Variants in HACD3 observed in about 807,000 individuals in gnomAD.
The protein encoded by HACD3 is very-long-chain (3R)-3-hydroxyacyl-CoA dehydratase 3.
HACD3 carries 30 observed loss-of-function variants against 55.2 expected under a neutral mutation model. That is an observed-to-expected ratio of 0.54 (90% CI 0.41 to 0.74). The LOEUF (loss-of-function observed/expected upper bound fraction) is 0.74, where lower values mean the gene tolerates loss of function less well. Ranked by LOEUF, HACD3 falls within the 30% of genes least tolerant of loss-of-function variation. The probability of loss-of-function intolerance (pLI) is 0.00; values close to 1 mark genes in which losing one functional copy is unlikely to be tolerated. For missense variants in HACD3, 363 were observed against 440.1 expected (o/e 0.82, Z 1.57); for synonymous variants, 141 against 151.7 (o/e 0.93, Z 0.52).
At chr15:65,543,418 G>C (rs1298350131) in intron 1 of HACD3, among the ~76,000 whole-genome samples, 2 of 151,186 alleles carry the variant, frequency 1.3e-5, no homozygotes, top group African/African-American at 2.4e-5. Flanking sequence ...GTTTATTGTT[G>C]GTAAAAAATA....
chr15:65,567,842 G>T (rs2072307348), intron 7 of HACD3, among the ~76,000 whole-genome samples: 1 of 151,926 alleles, frequency 6.6e-6, no homozygotes, highest in Non-Finnish European at 1.5e-5. Context: ...ACTTAAAATA[G>T]TCAAAACCAT....
chr15:65,530,552 T>C lies in HACD3; in HGVS notation c.-80T>C, dbSNP rs2071885476. The C allele has an allele frequency of 3.0e-6, 4 of 1,340,344 alleles. No homozygotes were observed. The Admixed American group carries it at 6.6e-5, about 22-fold the overall frequency. The allele number at this position is 1,340,344 out of a possible 1,614,324, so 83.0% of individuals were successfully genotyped here. A position where few individuals can be genotyped will look rare whatever the true frequency, so the allele number is the denominator to read the frequency against. On this transcript the variant is annotated 5_prime_UTR_variant, in exon 1 of 11. Coordinates refer to ENST00000261875, the MANE Select transcript of HACD3 (RefSeq NM_016395.4). ...GAGCGCTAGGGTTTGAGGCCTGCTTTCTGCTCGCGCCAGCAGAGCACTACC... is the reference window on the plus strand; with the variant it reads ...GAGCGCTAGGGTTTGAGGCCTGCTTCCTGCTCGCGCCAGCAGAGCACTACC...
At chr15:65,551,840 C>G in intron 2 of HACD3, 122 bp downstream of exon 2, 6 of 1,048,072 alleles carry the variant, frequency 5.7e-6, no homozygotes, top group Non-Finnish European at 8.6e-6. Context: ...CGCCTCTGAT[C>G]CTCATGAGGT....
intron 1 of HACD3, among the ~76,000 whole-genome samples, chr15:65,544,744 G>A (rs985145808): frequency 1.3e-5 from 2 of 152,066 alleles, no homozygotes; most frequent in African/African-American, 4.8e-5. Context: ...TAATGTTGCC[G>A]GGTGCGGTGG....
In HACD3 at chr15:65,577,815, T is replaced by A. The variant is rs1398413744; in HGVS notation, c.*1436T>A. ...TCGGGGTGAACACCCGCTGATCCTTTAACAAGGATTTCTGGCAGGAAACTC... is the reference window on the plus strand; with the variant it reads ...TCGGGGTGAACACCCGCTGATCCTTAAACAAGGATTTCTGGCAGGAAACTC... On this transcript the variant is annotated 3_prime_UTR_variant, in exon 11 of 11. Transcript: ENST00000261875. The A allele has an allele frequency of 6.6e-6, 1 of 152,560 alleles. No individual in the cohort carries two copies. Among genetic ancestry groups the A allele is most frequent in the African/African-American group, 2.4e-5 (1 of 41,454 alleles). 9.5% of individuals were successfully genotyped at this position (152,560 alleles called of 1,614,324 possible).
intron 7 of HACD3, chr15:65,566,413 T>A (rs557002967): frequency 6.5e-6 from 1 of 154,002 alleles, no homozygotes; most frequent in Non-Finnish European, 1.4e-5. Context: ...GGATTTACAG[T>A]TCCATGTGGC....
At chr15:65,553,098 C>T (rs1411281079) in intron 2 of HACD3, 1 of 152,236 alleles carries the variant, frequency 6.6e-6, no homozygotes, top group African/African-American at 2.4e-5. Flanking sequence ...TGGAACGCTT[C>T]ACGAATTTGC....
At position 65,563,108 on chromosome 15, in the gene HACD3, T is replaced by A. The variant is rs892786929; in HGVS notation, c.532+224T>A. 2.0e-5 allele frequency among the ~76,000 whole-genome samples: 3 copies of A among 152,120 alleles called. No homozygotes were observed. In the East Asian group the frequency reaches 5.8e-4, roughly 29 times the overall value. On this transcript the variant is annotated intron_variant, in intron 6 of 10. Coordinates refer to ENST00000261875, the MANE Select transcript of HACD3 (RefSeq NM_016395.4). ...AGGTAATAAAATATAGGCCTAGAGA[T>A]GGTCAAAAATGGTTCACATCCATAG...
intron 4 of HACD3, 104 bp downstream of exon 4, chr15:65,557,007 G>A (rs1333465377): frequency 3.5e-6 from 4 of 1,140,020 alleles, no homozygotes; most frequent in Non-Finnish European, 4.9e-6. Flanking sequence ...TAGCTACAAA[G>A]TTACAAATTC....
chr15:65,531,855 C>T (rs537161714), intron 1 of HACD3, among the ~76,000 whole-genome samples: 1 of 152,110 alleles, frequency 6.6e-6, no homozygotes, highest in East Asian at 1.9e-4. Flanking sequence ...CATGAGCCAC[C>T]GCGCCCAGCC....
chr15:65,530,850 G>A lies in HACD3; in HGVS notation c.87+132G>A, dbSNP rs1596200181. ...GCCAACAAGGTCGGCGACGCGGTGC[G>A]CTTACGGCGTGCTGGCGCTTTTCGA... On this transcript the variant is annotated intron_variant, in intron 1 of 10. Coordinates refer to ENST00000261875, the MANE Select transcript of HACD3 (RefSeq NM_016395.4). 15 of 865,776 alleles carry A rather than the reference G, an allele frequency of 1.7e-5. No individual in the cohort carries two copies. In the East Asian group the frequency reaches 4.4e-4, roughly 25 times the overall value. 53.6% of individuals were successfully genotyped at this position (865,776 alleles called of 1,614,324 possible). A position where few individuals can be genotyped will look rare whatever the true frequency, so the allele number is the denominator to read the frequency against.
At chr15:65,546,022 C>T (rs1220433694) in intron 1 of HACD3, among the ~76,000 whole-genome samples, 1 of 152,220 alleles carries the variant, frequency 6.6e-6, no homozygotes, top group Non-Finnish European at 1.5e-5. Flanking sequence ...GAGACCCAAG[C>T]CACATGGAGT....
intron 7 of HACD3, chr15:65,566,602 C>T (rs1288370548): frequency 1.3e-5 from 2 of 152,324 alleles, no homozygotes; most frequent in Admixed American, 6.5e-5. Context: ...CAGTTACCTC[C>T]CCCTGGGTCC....
chr15:65,545,032 A>AT (rs1338634045), intron 1 of HACD3, among the ~76,000 whole-genome samples: 33 of 151,960 alleles, frequency 2.2e-4, no homozygotes, highest in Non-Finnish European at 4.3e-4. Flanking sequence ...AAAAAAAAAA[A>AT]AGAAAGAAAG....
chr15:65,554,266 CT>C (rs1353823909), intron 2 of HACD3, among the ~76,000 whole-genome samples: 9 of 152,236 alleles, frequency 5.9e-5, no homozygotes, highest in Admixed American at 3.9e-4. Flanking sequence ...ATTCTTTTTC[CT>C]GCCTGTTATT....
chr15:65,552,298 T>A lies in HACD3; in HGVS notation c.130+580T>A, dbSNP rs192388866. Among the ~76,000 whole-genome samples, 250 of 151,808 alleles carry A rather than the reference T, an allele frequency of 1.6e-3. 1 individual carries two copies. Among genetic ancestry groups the A allele is most frequent in the African/African-American group, 5.1e-3 (212 of 41,404 alleles). ...ATGATCCAGAATATGCTGCTTTTTT[T>A]AAAAAAAAATTATTATGGAAACATA... On this transcript the variant is annotated intron_variant, in intron 2 of 10. Transcript: ENST00000261875.
At chr15:65,537,096 C>A (rs1167265626) in intron 1 of HACD3, among the ~76,000 whole-genome samples, 1 of 152,166 alleles carries the variant, frequency 6.6e-6, no homozygotes, top group Admixed American at 6.5e-5. Context: ...AACAAGGCCC[C>A]AACTCTTTCA....
In HACD3 at chr15:65,573,291, T is replaced by G. The variant is rs539093873; in HGVS notation, c.1012+925T>G. ...AAAGGCTTCCTAACTATAAGGATTT[T>G]TTTTTGTTGTTGTTGTTGTTAAATT... On this transcript the variant is annotated intron_variant, in intron 10 of 10. Coordinates refer to ENST00000261875, the MANE Select transcript of HACD3 (RefSeq NM_016395.4). Among the ~76,000 whole-genome samples the G allele has an allele frequency of 4.4e-4, 67 of 152,126 alleles. 2 individuals are homozygous for G. Among genetic ancestry groups the G allele is most frequent in the African/African-American group, 1.4e-3 (57 of 41,472 alleles).
intron 5 of HACD3, among the ~76,000 whole-genome samples, chr15:65,560,187 T>G (rs2072231058): frequency 1.3e-5 from 2 of 152,104 alleles, no homozygotes; most frequent in South Asian, 4.1e-4. Flanking sequence ...TAGGCTGCTT[T>G]TGATTGACCA....
Sources: allele counts gnomAD v4.1 joint callset (sites outside exome capture counted in the v4.1 genomes callset), GRCh38; gene constraint gnomAD v4.1.1; transcripts MANE v1.5; gene names NCBI Gene and HGNC (gene_info 2026-07-23, HGNC 2026-07-21).